IL1RAPL1: variants seen among roughly 807,000 people sequenced by gnomAD.
The protein encoded by IL1RAPL1 is interleukin 1 receptor accessory protein like 1.
A neutral mutation model predicts 48.4 loss-of-function variants in IL1RAPL1; 3 were observed. The ratio of observed to expected loss-of-function variants is 0.06; its 90% CI spans 0.03 to 0.16. IL1RAPL1 has a LOEUF of 0.16. Ranked by LOEUF, IL1RAPL1 falls within the 10% of genes least tolerant of loss-of-function variation. IL1RAPL1 has a pLI of 1.00. For missense variants in IL1RAPL1, 349 were observed against 530.6 expected, an observed-to-expected ratio of 0.66 and a Z score of 3.36; for synonymous variants, 185 against 187.7, an observed-to-expected ratio of 0.99 and a Z score of 0.12.
At chrX:29,615,235 C>T (rs1020303566) in intron 5 of IL1RAPL1, among the ~76,000 whole-genome samples, 1 of 112,086 alleles carries the variant, frequency 8.9e-6, no homozygotes, top group Non-Finnish European at 1.9e-5. Context: ...GTCTAAATCT[C>T]CTTACAGAGA....
At chrX:29,319,558 G>GTATGTATA (rs1555990684) in intron 3 of IL1RAPL1, among the ~76,000 whole-genome samples, 6 of 82,013 alleles carry the variant, frequency 7.3e-5, no homozygotes, top group South Asian at 5.7e-4. Flanking sequence ...ATGTATGTAT[G>GTATGTATA]TATCTATCTA....
intron 2 of IL1RAPL1, among the ~76,000 whole-genome samples, chrX:29,067,616 A>C (rs1486733820): frequency 2.0e-4 from 22 of 111,927 alleles, no homozygotes; most frequent in Non-Finnish European, 1.9e-4. Context: ...TCTCTTTTCA[A>C]CTTTCACAGA....
At position 29,297,762 on chromosome X, in the gene IL1RAPL1, T is replaced by A. The variant is rs368266811; in HGVS notation, c.362+14545T>A. 4.4e-5 allele frequency among the ~76,000 whole-genome samples: 5 copies of A among 112,530 alleles called. No homozygotes were observed. The East Asian group carries it at 8.3e-4, about 19-fold the overall frequency. On this transcript the variant is annotated intron_variant, in intron 3 of 10. Transcript: ENST00000378993. ...ATCAGTGCACTCATAAAAAATAATTTATTAAAAATATTTTGTAATTGAATT... is the reference window on the plus strand; with the variant it reads ...ATCAGTGCACTCATAAAAAATAATTAATTAAAAATATTTTGTAATTGAATT...
chrX:29,317,465 T>C (rs1444528524), intron 3 of IL1RAPL1, among the ~76,000 whole-genome samples: 1 of 112,275 alleles, frequency 8.9e-6, no homozygotes, highest in Non-Finnish European at 1.9e-5. Flanking sequence ...AAAATATTTT[T>C]ACACATAATG....
rs1356862386 is a variant in IL1RAPL1, at chrX:28,983,583, T to C, written c.82+194158T>C. On this transcript the variant is annotated intron_variant, in intron 2 of 10. Coordinates refer to ENST00000378993, the MANE Select transcript of IL1RAPL1 (RefSeq NM_014271.4). ...CAATTTACGCTAACATTGGAGTTTG[T>C]CATGGGGGCATTTTTGCCCATCTAT... Among the ~76,000 whole-genome samples, 4 of 112,227 alleles carry C rather than the reference T, an allele frequency of 3.6e-5. No homozygotes were observed. The South Asian group carries it at 1.5e-3, about 41-fold the overall frequency.
intron 5 of IL1RAPL1, among the ~76,000 whole-genome samples, chrX:29,626,188 A>G (rs1269705702): frequency 8.9e-6 from 1 of 112,245 alleles, no homozygotes; most frequent in Non-Finnish European, 1.9e-5. Flanking sequence ...TGAAGTGCAG[A>G]GATTACTCAT....
intron 2 of IL1RAPL1, among the ~76,000 whole-genome samples, chrX:29,189,135 A>G (rs1930307683): frequency 8.9e-6 from 1 of 112,060 alleles, no homozygotes; most frequent in South Asian, 3.7e-4. Context: ...GAGCTTCTTT[A>G]CAGAACGTCT....
At chrX:29,063,858 A>G (rs753875213) in intron 2 of IL1RAPL1, among the ~76,000 whole-genome samples, 1 of 112,374 alleles carries the variant, frequency 8.9e-6, no homozygotes, top group East Asian at 2.8e-4. Flanking sequence ...TTTAACAGGT[A>G]GTTGGACATG....
At chrX:28,809,982 C>A (rs1173389532) in intron 2 of IL1RAPL1, among the ~76,000 whole-genome samples, 1 of 107,755 alleles carries the variant, frequency 9.3e-6, no homozygotes, top group Non-Finnish European at 1.9e-5. Context: ...GGATATATAC[C>A]ATATAAAGAA....
chrX:29,237,077 G>A (rs1445025913), intron 2 of IL1RAPL1, among the ~76,000 whole-genome samples: 2 of 110,998 alleles, frequency 1.8e-5, no homozygotes, highest in African/African-American at 6.6e-5. Context: ...ACAGCCCAGA[G>A]AAAAACAGGG....
intron 6 of IL1RAPL1, among the ~76,000 whole-genome samples, chrX:29,739,970 G>T (rs1236378832): frequency 9.2e-6 from 1 of 108,861 alleles, no homozygotes; most frequent in Non-Finnish European, 1.9e-5. Context: ...TGAGGCAGGA[G>T]AATCGCTTGA....
rs373887511 is a variant in IL1RAPL1 at position 28,833,145 on chromosome X, G to A, written c.82+43720G>A. Among the ~76,000 whole-genome samples, 23 of 110,986 alleles carry A rather than the reference G, an allele frequency of 2.1e-4. No individual in the cohort carries two copies. In the South Asian group the frequency reaches 5.3e-3, roughly 26 times the overall value. On this transcript the variant is annotated intron_variant, in intron 2 of 10. Coordinates refer to ENST00000378993, the MANE Select transcript of IL1RAPL1 (RefSeq NM_014271.4). ...ATGTTGCTGCAAAGGACATGATTTC[G>A]TTATTGTATAAAAAACCATACAGCT...
At chrX:28,898,736 T>C (rs966747150) in intron 2 of IL1RAPL1, among the ~76,000 whole-genome samples, 29 of 111,963 alleles carry the variant, frequency 2.6e-4, no homozygotes, top group African/African-American at 9.1e-4. Context: ...GTTATGGTAG[T>C]GGGACCTGAG....
chrX:29,832,816 C>G (rs5927246), intron 6 of IL1RAPL1, among the ~76,000 whole-genome samples: 2 of 109,127 alleles, frequency 1.8e-5, no homozygotes, highest in Non-Finnish European at 3.8e-5. Flanking sequence ...TAAAGCCCCC[C>G]ACCTCCCTTT....
chrX:28,656,128 T>C (rs1188395551), intron 1 of IL1RAPL1, among the ~76,000 whole-genome samples: 2 of 112,021 alleles, frequency 1.8e-5, no homozygotes, highest in Non-Finnish European at 3.8e-5. Flanking sequence ...ATCAAACTAG[T>C]TAGTCATCCA....
At chrX:28,903,722 CAACT>C (rs1405775899) in intron 2 of IL1RAPL1, among the ~76,000 whole-genome samples, 6 of 110,817 alleles carry the variant, frequency 5.4e-5, no homozygotes, top group Non-Finnish European at 7.5e-5. Context: ...AGACAATCAA[CAACT>C]AACCAAATAT....
At chrX:29,828,451 A>G (rs143349764) in intron 6 of IL1RAPL1, among the ~76,000 whole-genome samples, 70 of 111,714 alleles carry the variant, frequency 6.3e-4, no homozygotes, top group Non-Finnish European at 1.2e-3. Flanking sequence ...AGATGGTACG[A>G]TATTGATAGT....
At chrX:28,830,530 G>C (rs1190562680) in intron 2 of IL1RAPL1, among the ~76,000 whole-genome samples, 1 of 110,786 alleles carries the variant, frequency 9.0e-6, no homozygotes, top group African/African-American at 3.3e-5. Flanking sequence ...ATATTCTCTG[G>C]TTGATGAGAT....
At chrX:29,647,382 A>T (rs909412919) in intron 5 of IL1RAPL1, among the ~76,000 whole-genome samples, 3 of 110,270 alleles carry the variant, frequency 2.7e-5, no homozygotes, top group African/African-American at 9.9e-5. Flanking sequence ...TAATACGGTA[A>T]TGATGGCGTG....
Sources: allele counts gnomAD v4.1 joint callset (sites outside exome capture counted in the v4.1 genomes callset), GRCh38; gene constraint gnomAD v4.1.1; transcripts MANE v1.5; gene names NCBI Gene and HGNC (gene_info 2026-07-23, HGNC 2026-07-21).